ITPK1: variants seen among roughly 807,000 people sequenced by gnomAD.
The protein encoded by ITPK1 is inositol 1,3,4-trisphosphate 5/6-kinase.
A neutral mutation model predicts 45.3 loss-of-function variants in ITPK1; 21 were observed. The ratio of observed to expected loss-of-function variants is 0.46; its 90% confidence interval spans 0.33 to 0.67. ITPK1 has a LOEUF of 0.67. Ranked by LOEUF, ITPK1 falls within the 30% of genes least tolerant of loss-of-function variation. The pLI is 0.02. For synonymous variants in ITPK1, 258 were observed against 253.6 expected (o/e 1.02, Z -0.16); for missense variants, 474 against 573.5 (o/e 0.83, Z 1.77).
chr14:93,046,602 GGC>G (rs1889787721), intron 3 of ITPK1, among the ~76,000 whole-genome samples: 1 of 146,302 alleles, frequency 6.8e-6, no homozygotes, highest in African/African-American at 2.5e-5. Flanking sequence ...GGCGGGGGGG[GGC>G]GGCGGGGGGA....
intron 5 of ITPK1, among the ~76,000 whole-genome samples, chr14:92,985,069 C>T (rs1357755060): frequency 6.6e-6 from 1 of 152,114 alleles, no homozygotes; most frequent in Non-Finnish European, 1.5e-5. Flanking sequence ...GAGGGACTGG[C>T]ACTGCTGGGT....
intron 5 of ITPK1, among the ~76,000 whole-genome samples, chr14:92,983,796 CTG>C (rs1176019803): frequency 6.6e-6 from 1 of 151,140 alleles, no homozygotes; most frequent in East Asian, 1.9e-4. Context: ...ATGCAGGGAG[CTG>C]TTTACTGCAG....
chr14:93,075,326 CAAAAAAAAAAAAAAAAAAAAAAA>C (rs58089863), intron 3 of ITPK1, among the ~76,000 whole-genome samples: 3 of 53,962 alleles, frequency 5.6e-5, no homozygotes, highest in South Asian at 1.7e-3. Context: ...GACTCCTTCT[CAAAAAAAAAAAAAAAAAAAAAAA>C]AAAAAAAAAA....
At chr14:92,946,233 G>C (rs1887679740) in intron 10 of ITPK1, 98 bp downstream of exon 10, 7 of 1,402,460 alleles carry the variant, frequency 5.0e-6, no homozygotes, top group Non-Finnish European at 6.9e-6. Context: ...GAGGGAGAAA[G>C]CTGGCTTTCT....
chr14:93,083,971 G>A (rs547775904), intron 2 of ITPK1, among the ~76,000 whole-genome samples: 8 of 152,320 alleles, frequency 5.3e-5, no homozygotes, highest in African/African-American at 1.7e-4. Context: ...CATCAAAGCC[G>A]GCAATTTCCC....
chr14:93,086,165 G>C (rs992059570), intron 2 of ITPK1, among the ~76,000 whole-genome samples: 16 of 152,200 alleles, frequency 1.1e-4, no homozygotes, highest in African/African-American at 3.4e-4. Flanking sequence ...GGACTCACTG[G>C]GGGAGGGAGA....
chr14:92,970,006 C>T (rs79360956), intron 5 of ITPK1, among the ~76,000 whole-genome samples: 3,378 of 152,250 alleles, frequency 0.022, 123 homozygotes, highest in African/African-American at 0.078. Flanking sequence ...CAAGGCCACA[C>T]GAGTTACCAG....
chr14:93,008,780 A>G (rs1887745862), intron 4 of ITPK1, among the ~76,000 whole-genome samples: 1 of 152,254 alleles, frequency 6.6e-6, no homozygotes, highest in African/African-American at 2.4e-5. Flanking sequence ...TGCCACTCAC[A>G]CAAACCAGGA....
chr14:93,107,685 T>TGAC (rs1892579280), intron 2 of ITPK1, among the ~76,000 whole-genome samples: 1 of 152,104 alleles, frequency 6.6e-6, no homozygotes, highest in Admixed American at 6.5e-5. Flanking sequence ...AGCTCCCTTG[T>TGAC]GAGAGTGATT....
intron 3 of ITPK1, among the ~76,000 whole-genome samples, chr14:93,027,122 T>G (rs1888776732): frequency 6.6e-6 from 1 of 152,178 alleles, no homozygotes; most frequent in African/African-American, 2.4e-5. Flanking sequence ...ACAGAGTATC[T>G]TGGGATGTGC....
At chr14:93,088,948 A>T (rs918967775) in intron 2 of ITPK1, among the ~76,000 whole-genome samples, 1 of 152,140 alleles carries the variant, frequency 6.6e-6, no homozygotes, top group Non-Finnish European at 1.5e-5. Flanking sequence ...GCTCTCCCCA[A>T]ATCTGTCAGG....
chr14:93,094,113 T>C (rs1050451184), intron 2 of ITPK1, among the ~76,000 whole-genome samples: 4 of 152,152 alleles, frequency 2.6e-5, no homozygotes, highest in Admixed American at 2.0e-4. Flanking sequence ...TAGCAGAGGT[T>C]AGTTAACCTC....
At chr14:93,061,079 C>A (rs1418921756) in intron 3 of ITPK1, among the ~76,000 whole-genome samples, 2 of 152,180 alleles carry the variant, frequency 1.3e-5, no homozygotes, top group Non-Finnish European at 2.9e-5. Context: ...GGAGGGATCA[C>A]TCCAAAAGAC....
At chr14:93,091,717 C>T (rs552533468) in intron 2 of ITPK1, among the ~76,000 whole-genome samples, 53 of 152,340 alleles carry the variant, frequency 3.5e-4, no homozygotes, top group African/African-American at 1.3e-3. Flanking sequence ...TCCCCGCCTC[C>T]CATTTAACCT....
Position 93,048,927 on chromosome 14 carries a change from C to T in ITPK1, c.120+27668G>A, listed in dbSNP as rs141365109. 8.1e-3 allele frequency among the ~76,000 whole-genome samples: 1,237 copies of T among 152,154 alleles called. 11 individuals carry two copies. The highest frequency in any genetic ancestry group is 0.02 in the Middle Eastern group (6 of 294). ...TCACACCACTGCACTCCAGCCTGGA[C>T]GACAGGGCAAGACTCTGTCTCAAAA... is the stretch of plus-strand genomic sequence containing the variant. On this transcript the variant is annotated intron_variant, in intron 3 of 10. Coordinates refer to ENST00000267615, the MANE Select transcript of ITPK1 (RefSeq NM_014216.6).
intron 9 of ITPK1, among the ~76,000 whole-genome samples, chr14:92,948,604 C>T (rs528467415): frequency 3.9e-5 from 6 of 151,958 alleles, no homozygotes; most frequent in Admixed American, 3.9e-4. Context: ...TCCCAAAATG[C>T]TGGGATTACA....
At chr14:93,000,650 T>C (rs1887287738) in intron 4 of ITPK1, among the ~76,000 whole-genome samples, 1 of 152,136 alleles carries the variant, frequency 6.6e-6, no homozygotes, top group South Asian at 2.1e-4. Context: ...CCAGAAAGGC[T>C]AGGGAGCACC....
intron 2 of ITPK1, among the ~76,000 whole-genome samples, chr14:93,093,985 TG>T (rs1891966676): frequency 6.6e-6 from 1 of 152,240 alleles, no homozygotes; most frequent in Non-Finnish European, 1.5e-5. Context: ...AAGCTCCAGG[TG>T]GACTAAACTT....
chr14:92,959,987 C>T (rs1179486548), intron 7 of ITPK1, among the ~76,000 whole-genome samples: 1 of 152,196 alleles, frequency 6.6e-6, no homozygotes, highest in Non-Finnish European at 1.5e-5. Context: ...CTGTACTTGG[C>T]TTCCCCGGGT....
Sources: gnomAD v4.1 joint callset for allele counts (sites outside exome capture counted in the v4.1 genomes callset) on GRCh38, gnomAD v4.1.1 for gene constraint, MANE v1.5 for transcripts, NCBI Gene and HGNC (gene_info 2026-07-23, HGNC 2026-07-21) for gene names.